ESR1: variants seen among roughly 807,000 people sequenced by gnomAD.
ESR1 encodes estrogen receptor 1.
ESR1 carries 12 observed loss-of-function variants against 52.7 expected under a neutral mutation model. The ratio of observed to expected loss-of-function variants is 0.23; its 90% confidence interval spans 0.15 to 0.37. The LOEUF (loss-of-function observed/expected upper bound fraction) is 0.37. ESR1 is among the 10% of genes least tolerant of loss of function. The pLI is 1.00. For missense variants in ESR1, 584 were observed against 779.7 expected, an observed-to-expected ratio of 0.75 and a Z score of 2.99; for synonymous variants, 305 against 316.8, an observed-to-expected ratio of 0.96 and a Z score of 0.39.
At chr6:151,838,051 A>G (rs1343407501) in intron 1 of ESR1, among the ~76,000 whole-genome samples, 4 of 152,136 alleles carry the variant, frequency 2.6e-5, no homozygotes, top group African/African-American at 9.7e-5. Context: ...CCAGGCTGGA[A>G]TGCAGTGGTG....
At chr6:151,753,692 A>G (rs1784074994) in intron 2 of ESR1, among the ~76,000 whole-genome samples, 1 of 152,172 alleles carries the variant, frequency 6.6e-6, no homozygotes, top group Admixed American at 6.5e-5. Flanking sequence ...TAGTGTTTCT[A>G]TTCAATGTGT....
chr6:152,104,704 G>T (rs2051042021), downstream of ESR1, among the ~76,000 whole-genome samples: 1 of 152,114 alleles, frequency 6.6e-6, no homozygotes, highest in Non-Finnish European at 1.5e-5. Context: ...CTAATATTTG[G>T]TCTTTGACCC....
At chr6:151,960,705 G>C (rs916004857) in intron 4 of ESR1, among the ~76,000 whole-genome samples, 2 of 152,212 alleles carry the variant, frequency 1.3e-5, no homozygotes, top group African/African-American at 4.8e-5. Context: ...GATCTGACTT[G>C]TCACAAGTGT....
Position 151,819,356 on chromosome 6 carries a change from G to A in ESR1, c.452+10992G>A, listed in dbSNP as rs998773799. Reference sequence around the variant, plus strand: ...TCCCCAGCCTCTGGACCATGGACTCGTACTGGTTTGGGGCCTGTTAGGAAC... The same window carrying A: ...TCCCCAGCCTCTGGACCATGGACTCATACTGGTTTGGGGCCTGTTAGGAAC... On this transcript the variant is annotated intron_variant, in intron 1 of 7. Coordinates refer to ENST00000206249, the MANE Select transcript of ESR1 (RefSeq NM_000125.4). Among the ~76,000 whole-genome samples the A allele has an allele frequency of 5.3e-5, 8 of 152,260 alleles. 1 individual carries two copies. The highest frequency in any genetic ancestry group is 3.9e-4 in the East Asian group (2 of 5,168).
In ESR1 at chr6:152,101,151, T is replaced by C; in HGVS notation, c.*2185T>C. The C allele has an allele frequency of 4.3e-6, 1 of 232,190 alleles. No homozygotes were observed. Among genetic ancestry groups the C allele is most frequent in the Non-Finnish European group, 8.5e-6 (1 of 117,244 alleles). 14.4% of individuals were successfully genotyped at this position (232,190 alleles called of 1,614,324 possible). On this transcript the variant is annotated 3_prime_UTR_variant, in exon 8 of 8. Transcript: ENST00000206249. ...AGATCACATTTCATATCAACTTTTG[T>C]ATCCACAGTAGACAAAATAGCACTA...
At chr6:152,017,144 A>G (rs1344250005) in intron 5 of ESR1, among the ~76,000 whole-genome samples, 4 of 152,104 alleles carry the variant, frequency 2.6e-5, no homozygotes, top group Non-Finnish European at 4.4e-5. Flanking sequence ...TTATAAGAGT[A>G]AAAAAACCTG....
At chr6:152,116,542 A>C (rs1439029257) in intron 6 of ESR1, among the ~76,000 whole-genome samples, 1 of 152,232 alleles carries the variant, frequency 6.6e-6, no homozygotes, top group Non-Finnish European at 1.5e-5. Context: ...GAGAGAGTAG[A>C]TAGGAAACTT....
rs2045567904 is a variant in ESR1, at chr6:152,039,051, G to T, written c.1236-21940G>T. Among the ~76,000 whole-genome samples, 2 of 152,196 alleles carry T rather than the reference G, an allele frequency of 1.3e-5. 1 individual carries two copies. The highest frequency in any genetic ancestry group is 4.1e-4 in the South Asian group (2 of 4,826). ...AAGATGTTCTTAACAAAATAAGGAG[G>T]AAATACTCATGACAATTACAGTAAC... is the stretch of plus-strand genomic sequence containing the variant. On this transcript the variant is annotated intron_variant, in intron 5 of 7. Coordinates refer to ENST00000206249, the MANE Select transcript of ESR1 (RefSeq NM_000125.4).
intron 1 of ESR1, among the ~76,000 whole-genome samples, chr6:151,668,475 G>T (rs948530490): frequency 5.9e-5 from 9 of 152,038 alleles, no homozygotes; most frequent in African/African-American, 2.2e-4. Flanking sequence ...AGTAGAGACG[G>T]GGTTTCACCG....
At chr6:151,829,125 A>G (rs1252720018) in intron 1 of ESR1, among the ~76,000 whole-genome samples, 1 of 152,218 alleles carries the variant, frequency 6.6e-6, no homozygotes, top group East Asian at 1.9e-4. Flanking sequence ...TTAATTTTAC[A>G]TGATGCCCAA....
At chr6:151,675,802 G>C (rs1306140754) in intron 1 of ESR1, among the ~76,000 whole-genome samples, 2 of 152,310 alleles carry the variant, frequency 1.3e-5, no homozygotes, top group East Asian at 3.9e-4. Flanking sequence ...AGGCTATGGT[G>C]AAACAAAATT....
intron 3 of ESR1, among the ~76,000 whole-genome samples, chr6:151,927,837 C>T (rs2032990549): frequency 2.0e-5 from 3 of 151,964 alleles, no homozygotes; most frequent in Non-Finnish European, 4.4e-5. Context: ...CATGTGTCAG[C>T]CTCCCGAGTA....
intron 1 of ESR1, among the ~76,000 whole-genome samples, chr6:151,660,249 G>C (rs1777594046): frequency 6.6e-6 from 1 of 152,156 alleles, no homozygotes; most frequent in Admixed American, 6.5e-5. Flanking sequence ...AGGTACAGTT[G>C]TGTTCCTAAA....
chr6:151,752,000 T>C (rs1783938083), intron 2 of ESR1, among the ~76,000 whole-genome samples: 1 of 152,230 alleles, frequency 6.6e-6, no homozygotes. Context: ...TTGAGATTTC[T>C]GTCTCTATGC....
chr6:151,810,881 G>A (rs1381053651), intron 1 of ESR1: 2 of 152,114 alleles, frequency 1.3e-5, no homozygotes, highest in African/African-American at 2.4e-5. Flanking sequence ...GCAAGTGGCT[G>A]GTTGTTTTTA....
chr6:151,916,847 T>A (rs2030342916), intron 3 of ESR1, among the ~76,000 whole-genome samples: 1 of 152,202 alleles, frequency 6.6e-6, no homozygotes, highest in Non-Finnish European at 1.5e-5. Flanking sequence ...GTGTCAGAGA[T>A]GTCTAATATA....
chr6:151,895,135 T>G (rs1258596782), intron 3 of ESR1, among the ~76,000 whole-genome samples: 2 of 9,520 alleles, frequency 2.1e-4, no homozygotes, highest in Non-Finnish European at 4.9e-4. Context: ...TTTTTTTGGT[T>G]TTTTTTTTTT....
At chr6:152,085,348 A>C (rs2049618632) in intron 6 of ESR1, among the ~76,000 whole-genome samples, 1 of 152,032 alleles carries the variant, frequency 6.6e-6, no homozygotes, top group South Asian at 2.1e-4. Context: ...AAAAAGAAAA[A>C]AAGATGTCCA....
chr6:151,844,812 A>C (rs1423779569), intron 2 of ESR1, among the ~76,000 whole-genome samples: 1 of 152,236 alleles, frequency 6.6e-6, no homozygotes, highest in Non-Finnish European at 1.5e-5. Context: ...GAAATAAAAA[A>C]AAAGTGTAAG....
Sources: gnomAD v4.1 joint callset for allele counts (sites outside exome capture counted in the v4.1 genomes callset) on GRCh38, gnomAD v4.1.1 for gene constraint, MANE v1.5 for transcripts, NCBI Gene and HGNC (gene_info 2026-07-23, HGNC 2026-07-21) for gene names.